TMEM8B: variants seen among roughly 807,000 people sequenced by gnomAD.
The protein encoded by TMEM8B is nasopharyngeal carcinoma expressed 6.
A neutral mutation model predicts 49.3 loss-of-function variants in TMEM8B; 29 were observed. The observed-to-expected ratio is 0.59, with a 90% confidence interval of 0.44 to 0.80. TMEM8B has a LOEUF of 0.80. Ranked by LOEUF, TMEM8B falls within the 30% of genes least tolerant of loss-of-function variation. The pLI is 0.00. For missense variants in TMEM8B, 575 were observed against 658.5 expected, an observed-to-expected ratio of 0.87 and a Z score of 1.39; for synonymous variants, 264 against 272.8, an observed-to-expected ratio of 0.97 and a Z score of 0.32.
chr9:35,844,561 ATATTTCT>A (rs1390208344), intron 6 of TMEM8B, among the ~76,000 whole-genome samples: 2 of 152,262 alleles, frequency 1.3e-5, no homozygotes, highest in African/African-American at 4.8e-5. Flanking sequence ...CAACCTGAAG[ATATTTCT>A]TATTTACATA....
At chr9:35,851,397 A>G (rs1050717674) in intron 10 of TMEM8B, among the ~76,000 whole-genome samples, 2 of 152,190 alleles carry the variant, frequency 1.3e-5, no homozygotes, top group East Asian at 1.9e-4. Flanking sequence ...TGCCCACCTC[A>G]TCCTCCCAAA....
chr9:35,837,317 G>A (rs1040814411), intron 3 of TMEM8B, among the ~76,000 whole-genome samples: 3 of 152,236 alleles, frequency 2.0e-5, no homozygotes, highest in African/African-American at 7.2e-5. Flanking sequence ...GATGCATGTC[G>A]GATATAGGAA....
At position 35,842,453 on chromosome 9, in the gene TMEM8B, G is replaced by A. The variant is rs1331337764; in HGVS notation, c.1371G>A (p.Gln457=). ...LVPGAAMNMP[Q]SLGNQPLPPE... is the part of the protein sequence containing the mutation. ...CTGGAGCTGCCATGAACATGCCCCA[G>A]TCCCTGGGCAACCAGCCACTGCCCC... The change falls in exon 6 of 13, where the codon CAG becomes CAA. Residue 457 remains glutamine (Q), a synonymous_variant. Transcript: ENST00000643932. The surrounding 1 kb of genome is among the most constrained non-coding windows in gnomAD (Gnocchi z 5.6). 5 of 1,580,396 alleles carry A rather than the reference G, an allele frequency of 3.2e-6. No individual in the cohort carries two copies. The highest frequency in any genetic ancestry group is 4.3e-6 in the Non-Finnish European group (5 of 1,160,368).
At chr9:35,834,977 C>A in intron 2 of TMEM8B, 34 bp from the exon 3 acceptor site, 1 of 415,772 alleles carries the variant, frequency 2.4e-6, no homozygotes, top group South Asian at 1.3e-4. Flanking sequence ...ACCCCATTGT[C>A]TGCTTTCCTC....
At position 35,842,839 on chromosome 9, in the gene TMEM8B, C is replaced by A; in HGVS notation, c.1635+122C>A. On this transcript the variant is annotated intron_variant, in intron 6 of 12. Transcript: ENST00000643932. The surrounding 1 kb of genome is among the most constrained non-coding windows in gnomAD (Gnocchi z 5.6). The stretch of plus-strand genomic sequence containing the variant: ...TCCAGGTTGCTCCCACCCATCCTGA[C>A]AATTAGGGACCATGGCTCAGCCCAA... 9.9e-7 allele frequency: 1 copy of A among 1,010,002 alleles called. No homozygotes were observed. Among genetic ancestry groups the A allele is most frequent in the Non-Finnish European group, 1.4e-6 (1 of 710,340 alleles). The allele number at this position is 1,010,002 out of a possible 1,614,324, so 62.6% of individuals were successfully genotyped here.
At chr9:35,839,021 C>T (rs936008163) in intron 3 of TMEM8B, among the ~76,000 whole-genome samples, 4 of 152,202 alleles carry the variant, frequency 2.6e-5, no homozygotes, top group Non-Finnish European at 5.9e-5. Flanking sequence ...GTCCAGCACT[C>T]GTTTGCTTCT....
At chr9:35,834,784 A>G in intron 2 of TMEM8B, 134 bp downstream of exon 2, 2 of 409,994 alleles carry the variant, frequency 4.9e-6, no homozygotes, top group South Asian at 1.4e-4. Context: ...AGTGAGGGCC[A>G]TGACCTCTGT....
chr9:35,853,273 G>A lies in TMEM8B; in HGVS notation c.2439+16G>A, dbSNP rs199648279. On this transcript the variant is annotated intron_variant, in intron 12 of 12. Transcript: ENST00000643932. This position sits in a 1 kb window ranked among gnomAD's most constrained non-coding sequence, Gnocchi z 4.2. ...CACAGCCTGGGTAAGGGTGGGGAGGGATGTGGGGGGAGGGTCCCAGCAGGA... is the reference window on the plus strand; with the variant it reads ...CACAGCCTGGGTAAGGGTGGGGAGGAATGTGGGGGGAGGGTCCCAGCAGGA... 4.8e-5 allele frequency: 77 copies of A among 1,591,982 alleles called. No individual in the cohort carries two copies. The East Asian group carries it at 1.6e-3, about 33-fold the overall frequency.
At position 35,841,471 on chromosome 9, in the gene TMEM8B, G is replaced by T. The variant is rs1830979525; in HGVS notation, c.1041-55G>T. The T allele has an allele frequency of 4.8e-6, 2 of 414,492 alleles. No homozygotes were observed. The highest frequency in any genetic ancestry group is 2.1e-5 in the African/African-American group (1 of 48,652). The allele number at this position is 414,492 out of a possible 1,614,324, so 25.7% of individuals were successfully genotyped here. On this transcript the variant is annotated intron_variant, in intron 4 of 12. Transcript: ENST00000643932. The surrounding 1 kb of genome is among the most constrained non-coding windows in gnomAD (Gnocchi z 5.9). ...TCCTTCCTAGTGCTTCCCTTGCCCT[G>T]TGTTCCTCTCGCCTCTGTTTGTGCC...
intron 7 of TMEM8B, 43 bp downstream of exon 7, chr9:35,846,111 G>A (rs955676350): frequency 1.2e-6 from 2 of 1,611,698 alleles, no homozygotes; most frequent in African/African-American, 1.3e-5. Flanking sequence ...GCAGTGTGGG[G>A]GTGGTGGTGG....
rs895566457 is a variant in TMEM8B, at chr9:35,862,435, A to C, written c.*8595A>C. The C allele has an allele frequency of 6.6e-6, 1 of 152,270 alleles. No homozygotes were observed. Among genetic ancestry groups the C allele is most frequent in the Non-Finnish European group, 1.5e-5 (1 of 68,060 alleles). The allele number at this position is 152,270 out of a possible 1,614,324, so 9.4% of individuals were successfully genotyped here. On this transcript the variant is annotated 3_prime_UTR_variant, in exon 13 of 13. Transcript: ENST00000643932. ...AGGCGTGGGGGTTTCAAGCAGGCCAAGGGTGGGAAACCACCTGACTGCATT... is the reference window on the plus strand; with the variant it reads ...AGGCGTGGGGGTTTCAAGCAGGCCACGGGTGGGAAACCACCTGACTGCATT...
intron 10 of TMEM8B, among the ~76,000 whole-genome samples, chr9:35,848,527 CCA>C (rs1476801258): frequency 6.6e-6 from 1 of 152,168 alleles, no homozygotes; most frequent in African/African-American, 2.4e-5. Flanking sequence ...CTGATTGGCT[CCA>C]GAGTGTTCAG....
Position 35,862,414 on chromosome 9 carries a change from G to C in TMEM8B, c.*8574G>C, listed in dbSNP as rs547261792. 6.6e-6 allele frequency: 1 copy of C among 152,254 alleles called. No individual in the cohort carries two copies. Among genetic ancestry groups the C allele is most frequent in the African/African-American group, 2.4e-5 (1 of 41,468 alleles). The allele number at this position is 152,254 out of a possible 1,614,324, so 9.4% of individuals were successfully genotyped here. A position where few individuals can be genotyped will look rare whatever the true frequency, so the allele number is the denominator to read the frequency against. Reference sequence around the variant, plus strand: ...TCAAATTCTGACACTGGACACAGGCGTGGGGGTTTCAAGCAGGCCAAGGGT... The same window carrying C: ...TCAAATTCTGACACTGGACACAGGCCTGGGGGTTTCAAGCAGGCCAAGGGT... On this transcript the variant is annotated 3_prime_UTR_variant, in exon 13 of 13. Transcript: ENST00000643932.
At chr9:35,838,234 TAA>T (rs1830629121) in intron 3 of TMEM8B, among the ~76,000 whole-genome samples, 1 of 152,166 alleles carries the variant, frequency 6.6e-6, no homozygotes, top group Non-Finnish European at 1.5e-5. Context: ...CAGTGGAAAG[TAA>T]GTTTTCCTCT....
In TMEM8B at chr9:35,846,553, C is replaced by T; in HGVS notation, c.1938C>T (p.Gly646=). 6.3e-7 allele frequency: 1 copy of T among 1,575,688 alleles called. No homozygotes were observed. The highest frequency in any genetic ancestry group is 8.6e-7 in the Non-Finnish European group (1 of 1,160,624). The change falls in exon 9 of 13, where the codon GGC becomes GGT. Residue 646 remains glycine (G), a synonymous_variant. Transcript: ENST00000643932. ...SPCVDDCGPY[G]QCKLLRTHNY... is the part of the protein sequence containing the mutation. Reference sequence around the variant, plus strand: ...GCGTGGACGACTGCGGGCCCTACGGCCAGTGCAAGCTGCTGCGCACACACA... The same window carrying T: ...GCGTGGACGACTGCGGGCCCTACGGTCAGTGCAAGCTGCTGCGCACACACA...
chr9:35,850,650 C>T (rs937402673), intron 10 of TMEM8B, among the ~76,000 whole-genome samples: 2 of 152,118 alleles, frequency 1.3e-5, no homozygotes, highest in African/African-American at 4.8e-5. Flanking sequence ...TTTCTTTATT[C>T]TTCTTTTAGT....
intron 6 of TMEM8B, among the ~76,000 whole-genome samples, chr9:35,844,821 T>C (rs1395926680): frequency 6.6e-6 from 1 of 152,266 alleles, no homozygotes; most frequent in Non-Finnish European, 1.5e-5. Flanking sequence ...AATGAGCATC[T>C]GTTTACATTC....
Position 35,863,597 on chromosome 9 carries a change from G to A in TMEM8B, c.*9757G>A, listed in dbSNP as rs377209854. 3 of 152,082 alleles carry A rather than the reference G, an allele frequency of 2.0e-5. No homozygotes were observed. Among genetic ancestry groups the A allele is most frequent in the African/African-American group, 7.2e-5 (3 of 41,396 alleles). The allele number at this position is 152,082 out of a possible 1,614,324, so 9.4% of individuals were successfully genotyped here. A position where few individuals can be genotyped will look rare whatever the true frequency, so the allele number is the denominator to read the frequency against. ...AACGTACAACCTCATCATTTTAGTG[G>A]CTAGCATGACGAAGTTTTATTTCTC... On this transcript the variant is annotated 3_prime_UTR_variant, in exon 13 of 13. Transcript: ENST00000643932.
Position 35,829,826 on chromosome 9 carries a change from A to C in TMEM8B, c.379A>C (p.Lys127Gln), listed in dbSNP as rs1829671304. Residue 127 changes from lysine (K) to glutamine (Q), a missense_variant, in exon 1 of 13, where the codon AAG becomes CAG. Lys to Gln is a moderately conservative substitution (Grantham distance 53). Coordinates refer to ENST00000643932, the MANE Select transcript of TMEM8B (RefSeq NM_001042590.4). ...QPLPSSLCLP[K>Q]SLPLVPPISH... ...TTTGCCCTCATCTCTGTGTTTACCC[A>C]AGTCTCTCCCTCTAGTCCCCCCTAT... The C allele has an allele frequency of 2.4e-6, 1 of 416,140 alleles. No homozygotes were observed. Among genetic ancestry groups the C allele is most frequent in the African/African-American group, 2.1e-5 (1 of 48,740 alleles). The allele number at this position is 416,140 out of a possible 1,614,324, so 25.8% of individuals were successfully genotyped here.
Sources: allele counts gnomAD v4.1 joint callset (sites outside exome capture counted in the v4.1 genomes callset), GRCh38; gene constraint gnomAD v4.1.1; non-coding constraint Gnocchi (gnomAD v3.1); transcripts MANE v1.5; gene names NCBI Gene and HGNC (gene_info 2026-07-23, HGNC 2026-07-21).